F13A1: variants seen among roughly 807,000 people sequenced by gnomAD.
The protein encoded by F13A1 is FSF, A subunit.
In F13A1, 47 loss-of-function variants were observed where a neutral mutation model predicts 80.1. The observed-to-expected ratio is 0.59, with a 90% CI of 0.46 to 0.75. The LOEUF (loss-of-function observed/expected upper bound fraction) is 0.75. Ranked by LOEUF, F13A1 falls within the 30% of genes least tolerant of loss-of-function variation. The pLI is 0.00. For missense variants in F13A1, 817 were observed against 930.4 expected (o/e 0.88, Z 1.59); for synonymous variants, 349 against 344.9 (o/e 1.01, Z -0.13).
At chr6:6,251,703 C>T (rs191065704) in intron 4 of F13A1, among the ~76,000 whole-genome samples, 10 of 152,234 alleles carry the variant, frequency 6.6e-5, no homozygotes, top group East Asian at 3.9e-4. Context: ...CGTTTTTACA[C>T]GAATTCTACC....
intron 3 of F13A1, among the ~76,000 whole-genome samples, chr6:6,291,286 C>G (rs546418360): frequency 1.3e-5 from 2 of 152,224 alleles, no homozygotes; most frequent in South Asian, 2.1e-4. Context: ...TCCAGTCCCT[C>G]CTGAATCTTC....
intron 8 of F13A1, among the ~76,000 whole-genome samples, chr6:6,211,721 G>A (rs1460944624): frequency 6.6e-6 from 1 of 152,268 alleles, no homozygotes; most frequent in African/African-American, 2.4e-5. Flanking sequence ...CTCCCAGCGT[G>A]AGTGACACAG....
chr6:6,228,367 C>T (rs764808758), intron 6 of F13A1, among the ~76,000 whole-genome samples: 11 of 152,290 alleles, frequency 7.2e-5, no homozygotes, highest in Admixed American at 1.3e-4. Context: ...AGCTCCTAAC[C>T]TTAACCATCT....
chr6:6,174,134 A>G (rs560684528), intron 12 of F13A1, among the ~76,000 whole-genome samples: 45 of 151,934 alleles, frequency 3.0e-4, no homozygotes, highest in Non-Finnish European at 4.3e-4. Context: ...TGACGCCTAT[A>G]ATTCCAGCAC....
rs62407991 is a variant in F13A1, at chr6:6,162,381, T to C, written c.1908+5077A>G. On this transcript the variant is annotated intron_variant, in intron 13 of 14. Coordinates refer to ENST00000264870, the MANE Select transcript of F13A1 (RefSeq NM_000129.4). The surrounding 1 kb of genome is among the most constrained non-coding windows in gnomAD (Gnocchi z 4.2). ...GGGTCTCTCCATCCATCTCTACTGGTTGAACGTTATCTGTTCATTGGAGAC... is the reference window on the plus strand; with the variant it reads ...GGGTCTCTCCATCCATCTCTACTGGCTGAACGTTATCTGTTCATTGGAGAC... Among the ~76,000 whole-genome samples the C allele has an allele frequency of 0.024, 3,721 of 152,322 alleles. 70 individuals carry two copies. Among genetic ancestry groups the C allele is most frequent in the Non-Finnish European group, 0.035 (2,405 of 68,030 alleles).
At chr6:6,149,734 G>T (rs547379098) in intron 14 of F13A1, among the ~76,000 whole-genome samples, 1 of 152,336 alleles carries the variant, frequency 6.6e-6, no homozygotes, top group South Asian at 2.1e-4. Context: ...TGGCATTTCT[G>T]TTACAGCAGC....
chr6:6,239,839 C>T (rs755133460), intron 6 of F13A1, among the ~76,000 whole-genome samples: 8 of 151,556 alleles, frequency 5.3e-5, no homozygotes, highest in East Asian at 1.9e-4. Context: ...AAGGAATGGA[C>T]GTATGAGAGA....
chr6:6,200,136 G>A (rs1276756827), intron 8 of F13A1, among the ~76,000 whole-genome samples: 1 of 152,178 alleles, frequency 6.6e-6, no homozygotes. Flanking sequence ...AGGCATTTTT[G>A]TCTACACTTG....
intron 2 of F13A1, among the ~76,000 whole-genome samples, chr6:6,313,442 C>A (rs1350255086): frequency 2.0e-5 from 3 of 152,064 alleles, no homozygotes; most frequent in Admixed American, 6.5e-5. Flanking sequence ...GGAGGAGCAA[C>A]TGCCTCCCTG....
intron 8 of F13A1, among the ~76,000 whole-genome samples, chr6:6,219,576 T>G (rs1258628308): frequency 6.6e-6 from 1 of 152,296 alleles, no homozygotes; most frequent in East Asian, 1.9e-4. Context: ...AGCAAGTAGC[T>G]GCCCAAGCCA....
chr6:6,292,227 T>C (rs1317145981), intron 3 of F13A1, among the ~76,000 whole-genome samples: 1 of 152,212 alleles, frequency 6.6e-6, no homozygotes, highest in African/African-American at 2.4e-5. Context: ...ATGAAGCTAC[T>C]ACCTCCATTA....
chr6:6,316,541 T>A (rs1309583964), intron 2 of F13A1, among the ~76,000 whole-genome samples: 1 of 152,184 alleles, frequency 6.6e-6, no homozygotes, highest in Admixed American at 6.5e-5. Context: ...TCCCAGATTT[T>A]ATTTTTCTTA....
chr6:6,303,306 A>G (rs1476525177), intron 3 of F13A1, among the ~76,000 whole-genome samples: 1 of 152,222 alleles, frequency 6.6e-6, no homozygotes, highest in Non-Finnish European at 1.5e-5. Flanking sequence ...CCAAAAAACC[A>G]AAACCAAAGC....
At chr6:6,149,523 T>A (rs1760337443) in intron 14 of F13A1, among the ~76,000 whole-genome samples, 1 of 152,154 alleles carries the variant, frequency 6.6e-6, no homozygotes, top group Non-Finnish European at 1.5e-5. Context: ...ATGATGGGAT[T>A]AGTGCCCTTC....
Position 6,147,206 on chromosome 6 carries a change from C to T in F13A1, c.2046-1434G>A, listed in dbSNP as rs9379012. Among the ~76,000 whole-genome samples the T allele has an allele frequency of 7.2e-4, 110 of 152,288 alleles. 1 individual carries two copies. The East Asian group carries it at 0.018, about 24-fold the overall frequency. ...GACTACAAAATGGTTACAGTATATA[C>T]TGCTTAGGTGATGGGTGACCAAATG... On this transcript the variant is annotated intron_variant, in intron 14 of 14. Transcript: ENST00000264870.
intron 13 of F13A1, among the ~76,000 whole-genome samples, chr6:6,163,467 G>A (rs540421808): frequency 6.6e-6 from 1 of 152,230 alleles, no homozygotes; most frequent in South Asian, 2.1e-4. Context: ...TATTTTTCCT[G>A]ATCCTCTCCC....
chr6:6,195,554 T>A (rs1443424045), intron 10 of F13A1, among the ~76,000 whole-genome samples: 1 of 152,250 alleles, frequency 6.6e-6, no homozygotes, highest in East Asian at 1.9e-4. Flanking sequence ...ACTAAGCTAA[T>A]GTTAGTAAAG....
intron 11 of F13A1, among the ~76,000 whole-genome samples, chr6:6,179,091 C>T (rs1409520864): frequency 6.6e-6 from 1 of 152,088 alleles, no homozygotes; most frequent in Non-Finnish European, 1.5e-5. Context: ...GTTTTTAACA[C>T]AGCAGATATT....
chr6:6,213,045 A>C (rs944997462), intron 8 of F13A1, among the ~76,000 whole-genome samples: 3 of 152,250 alleles, frequency 2.0e-5, no homozygotes, highest in African/African-American at 7.2e-5. Context: ...GACCAAATCT[A>C]CGTCTGATTG....
Sources: gnomAD v4.1 joint callset for allele counts (sites outside exome capture counted in the v4.1 genomes callset) on GRCh38, gnomAD v4.1.1 for gene constraint, Gnocchi (gnomAD v3.1) non-coding constraint, MANE v1.5 for transcripts, NCBI Gene and HGNC (gene_info 2026-07-23, HGNC 2026-07-21) for gene names.